DNAI2: variants seen among roughly 807,000 people sequenced by gnomAD.
DNAI2 encodes the protein dynein, axonemal, intermediate polypeptide 2.
A neutral mutation model predicts 74.7 loss-of-function variants in DNAI2; 63 were observed. The observed-to-expected ratio is 0.84, with a 90% CI of 0.69 to 1.04. DNAI2 has a LOEUF of 1.04. Ranked by LOEUF, DNAI2 falls within the 50% of genes least tolerant of loss-of-function variation. The pLI is 0.00. For missense variants in DNAI2, 688 were observed against 803.2 expected (o/e 0.86, Z 1.73); for synonymous variants, 289 against 314.9 (o/e 0.92, Z 0.87).
chr17:74,290,179 G>C (rs962081222), intron 5 of DNAI2, among the ~76,000 whole-genome samples: 1 of 152,198 alleles, frequency 6.6e-6, no homozygotes, highest in African/African-American at 2.4e-5. Flanking sequence ...AGTTGTGCTT[G>C]ATGGTGGGTG....
At chr17:74,299,496 G>A (rs1328274429) in intron 6 of DNAI2, among the ~76,000 whole-genome samples, 2 of 152,070 alleles carry the variant, frequency 1.3e-5, no homozygotes, top group Admixed American at 6.5e-5. Context: ...TCAATGCCTG[G>A]GAGGGGCTCA....
At chr17:74,284,537 C>T (rs1248125194) in intron 2 of DNAI2, among the ~76,000 whole-genome samples, 4 of 152,062 alleles carry the variant, frequency 2.6e-5, no homozygotes, top group Non-Finnish European at 4.4e-5. Context: ...CTCAGCCTCC[C>T]GAGTAGCTGG....
intron 8 of DNAI2, among the ~76,000 whole-genome samples, chr17:74,303,716 C>T (rs2052997820): frequency 6.6e-6 from 1 of 151,958 alleles, no homozygotes. Context: ...CCTCAACCAC[C>T]ACACCTGGCC....
chr17:74,302,157 G>A (rs1001518537), intron 8 of DNAI2, among the ~76,000 whole-genome samples: 1 of 149,438 alleles, frequency 6.7e-6, no homozygotes, highest in Admixed American at 6.6e-5. Context: ...GAGGCAAGGC[G>A]CCGTGGCTCA....
At chr17:74,302,554 C>T (rs904493661) in intron 8 of DNAI2, among the ~76,000 whole-genome samples, 2 of 151,232 alleles carry the variant, frequency 1.3e-5, no homozygotes, top group Non-Finnish European at 2.9e-5. Context: ...ACGACAAGAG[C>T]GAAACTCCAT....
rs1002722809 is a variant in DNAI2 at position 74,285,126 on chromosome 17, G to A, written c.270G>A (p.Leu90=). 2 of 1,614,252 alleles carry A rather than the reference G, an allele frequency of 1.2e-6. No individual in the cohort carries two copies. Residue 90 remains leucine, a synonymous_variant, in exon 3 of 14, where the codon CTG becomes CTA. Coordinates refer to ENST00000311014, the MANE Select transcript of DNAI2 (RefSeq NM_023036.6). ...GWPKDVNPLE[L]EQTIRFRKKV... is the part of the protein sequence containing the mutation. Reference sequence around the variant, plus strand: ...CCAAGGACGTGAACCCCCTGGAGCTGGAGCAGACCATCCGTTTCCGGAAGA... The same window carrying A: ...CCAAGGACGTGAACCCCCTGGAGCTAGAGCAGACCATCCGTTTCCGGAAGA...
intron 6 of DNAI2, among the ~76,000 whole-genome samples, chr17:74,293,798 T>C (rs1420199679): frequency 6.6e-6 from 1 of 152,108 alleles, no homozygotes; most frequent in Non-Finnish European, 1.5e-5. Flanking sequence ...TTTGTTTTGT[T>C]TTTGAGACAG....
chr17:74,283,718 A>T (rs2051518348), intron 2 of DNAI2, among the ~76,000 whole-genome samples: 1 of 152,246 alleles, frequency 6.6e-6, no homozygotes, highest in Admixed American at 6.5e-5. Context: ...AGCCTGGGCA[A>T]CATGGCGAAA....
intron 6 of DNAI2, among the ~76,000 whole-genome samples, chr17:74,296,028 G>A (rs1292173924): frequency 2.0e-5 from 3 of 152,044 alleles, no homozygotes; most frequent in South Asian, 2.1e-4. Context: ...GGGCTTTATC[G>A]GTTTTCCTGA....
rs4239008 is a variant in DNAI2, at chr17:74,312,264, G to A, written c.1722+34G>A. ...CTGGACAGGGGTTGGGTGGGTTGGG[G>A]ACTGGGCGGGACACATGGCACTTGG... is the stretch of plus-strand genomic sequence containing the variant. On this transcript the variant is annotated intron_variant, in intron 12 of 13. Coordinates refer to ENST00000311014, the MANE Select transcript of DNAI2 (RefSeq NM_023036.6). 427,170 of 506,342 alleles carry A rather than the reference G, an allele frequency of 0.84. 185,208 individuals carry two copies. The highest frequency in any genetic ancestry group is 0.91 in the Admixed American group (37,819 of 41,566). The allele number at this position is 506,342 out of a possible 1,614,324, so 31.4% of individuals were successfully genotyped here. A position where few individuals can be genotyped will look rare whatever the true frequency, so the allele number is the denominator to read the frequency against.
At chr17:74,281,663 TG>T in intron 1 of DNAI2, 143 bp from the exon 2 acceptor site, 1 of 735,154 alleles carries the variant, frequency 1.4e-6, no homozygotes, top group Non-Finnish European at 2.3e-6. Flanking sequence ...ATGCAGCTTC[TG>T]GACAAATTCC....
rs2051976792 is a variant in DNAI2 at position 74,289,812 on chromosome 17, G to C, written c.610+76G>C. 2.5e-6 allele frequency: 4 copies of C among 1,595,296 alleles called. No individual in the cohort carries two copies. In the South Asian group the frequency reaches 4.4e-5, roughly 18 times the overall value. Reference sequence around the variant, plus strand: ...AGCACAAGTGGAGGAGCGGGAGGGAGGGGCAGGAGGTCAAGGACACTCACG... The same window carrying C: ...AGCACAAGTGGAGGAGCGGGAGGGACGGGCAGGAGGTCAAGGACACTCACG... On this transcript the variant is annotated intron_variant, in intron 5 of 13. Transcript: ENST00000311014.
chr17:74,292,853 G>A (rs1316003602), intron 6 of DNAI2, among the ~76,000 whole-genome samples: 7 of 143,872 alleles, frequency 4.9e-5, no homozygotes, highest in African/African-American at 1.3e-4. Context: ...TTTTTGGGAC[G>A]GAGTCTTGCT....
In DNAI2 at chr17:74,300,809, C is replaced by T. The variant is rs572797018; in HGVS notation, c.865-237C>T. Among the ~76,000 whole-genome samples, 13 of 152,246 alleles carry T rather than the reference C, an allele frequency of 8.5e-5. No individual in the cohort carries two copies. The East Asian group carries it at 2.1e-3, about 25-fold the overall frequency. On this transcript the variant is annotated intron_variant, in intron 7 of 13. Coordinates refer to ENST00000311014, the MANE Select transcript of DNAI2 (RefSeq NM_023036.6). The surrounding 1 kb of genome is among the most constrained non-coding windows in gnomAD (Gnocchi z 4.5). The stretch of plus-strand genomic sequence containing the variant: ...AGGTTTTGATTCAGTAGGTCGAGGG[C>T]GAGGCCTCAGCATCTGGGTTGTATG...
chr17:74,278,976 G>C (rs2051243874), intron 1 of DNAI2, among the ~76,000 whole-genome samples: 1 of 152,150 alleles, frequency 6.6e-6, no homozygotes, highest in African/African-American at 2.4e-5. Flanking sequence ...GACCATCCTG[G>C]CTAACACGGT....
At chr17:74,281,425 AT>A in intron 1 of DNAI2, 1 of 426,800 alleles carries the variant, frequency 2.3e-6, no homozygotes, top group African/African-American at 2.0e-5. Flanking sequence ...TGCCCGGCTA[AT>A]TTTTGTATTT....
rs574208921 is a variant in DNAI2, at chr17:74,290,944, G to A, written c.611-76G>A. On this transcript the variant is annotated intron_variant, in intron 5 of 13. Transcript: ENST00000311014. ...GCCACCATGCCCCCGCTACCCACCC[G>A]CAGAAGGGGTGAAACTGGTTGATCC... 127 of 1,319,626 alleles carry A rather than the reference G, an allele frequency of 9.6e-5. No individual in the cohort carries two copies. The African/African-American group carries it at 1.1e-3, about 12-fold the overall frequency. 81.7% of individuals were successfully genotyped at this position (1,319,626 alleles called of 1,614,324 possible).
In DNAI2 at chr17:74,281,563, T is replaced by C. The variant is rs1221298955; in HGVS notation, c.-11-244T>C. 3 of 586,328 alleles carry C rather than the reference T, an allele frequency of 5.1e-6. No individual in the cohort carries two copies. The African/African-American group carries it at 5.6e-5, about 11-fold the overall frequency. The allele number at this position is 586,328 out of a possible 1,614,324, so 36.3% of individuals were successfully genotyped here. Reference sequence around the variant, plus strand: ...GTCAGCTACCGCGCCTGGCCAAAATTTTTATTGCCCTCCTCAGAGAGCAAC... The same window carrying C: ...GTCAGCTACCGCGCCTGGCCAAAATCTTTATTGCCCTCCTCAGAGAGCAAC... On this transcript the variant is annotated intron_variant, in intron 1 of 13. Coordinates refer to ENST00000311014, the MANE Select transcript of DNAI2 (RefSeq NM_023036.6).
At chr17:74,285,347 C>G in intron 3 of DNAI2, 146 bp downstream of exon 3, 1 of 1,080,340 alleles carries the variant, frequency 9.3e-7, no homozygotes. Context: ...CCTCAAGGAG[C>G]CTTCTGTCTG....
Sources: gnomAD v4.1 joint callset for allele counts (sites outside exome capture counted in the v4.1 genomes callset) on GRCh38, gnomAD v4.1.1 for gene constraint, Gnocchi (gnomAD v3.1) non-coding constraint, MANE v1.5 for transcripts, NCBI Gene and HGNC (gene_info 2026-07-23, HGNC 2026-07-21) for gene names.